VPS37C: variants seen among roughly 807,000 people sequenced by gnomAD.
VPS37C encodes the protein VPS37C subunit of ESCRT-I.
VPS37C carries 9 observed loss-of-function variants against 16.1 expected under a neutral mutation model. The observed-to-expected ratio is 0.56, with a 90% confidence interval of 0.34 to 0.97. The LOEUF (loss-of-function observed/expected upper bound fraction) is 0.97. Ranked by LOEUF, VPS37C falls within the 50% of genes least tolerant of loss-of-function variation. VPS37C has a pLI of 0.02. For missense variants in VPS37C, 479 were observed against 472.7 expected, an observed-to-expected ratio of 1.01 and a Z score of -0.12; for synonymous variants, 207 against 206.4, an observed-to-expected ratio of 1.00 and a Z score of -0.02.
At chr11:61,149,217 C>T (rs1255532557) in intron 1 of VPS37C, among the ~76,000 whole-genome samples, 2 of 152,146 alleles carry the variant, frequency 1.3e-5, no homozygotes, top group African/African-American at 4.8e-5. Flanking sequence ...ACCCAGGAGA[C>T]GGAGCTTGCA....
At chr11:61,133,005 C>A in intron 4 of VPS37C, 1 of 608,794 alleles carries the variant, frequency 1.6e-6, no homozygotes, top group Non-Finnish European at 3.0e-6. Context: ...TCCTGCTGTG[C>A]TGCCCTACCA....
At chr11:61,140,721 C>T (rs1861459676) in intron 1 of VPS37C, among the ~76,000 whole-genome samples, 1 of 152,214 alleles carries the variant, frequency 6.6e-6, no homozygotes, top group African/African-American at 2.4e-5. Context: ...AGTGGAGACC[C>T]CTGGTTTCTG....
chr11:61,137,485 G>A (rs1839384474), intron 2 of VPS37C, among the ~76,000 whole-genome samples: 1 of 152,196 alleles, frequency 6.6e-6, no homozygotes, highest in African/African-American at 2.4e-5. Context: ...CTGTCAGCCT[G>A]CTCAGCTCTG....
Position 61,132,238 on chromosome 11 carries a change from G to A in VPS37C, c.650C>T (p.Pro217Leu), listed in dbSNP as rs570366687. 40 of 1,518,856 alleles carry A rather than the reference G, an allele frequency of 2.6e-5. No homozygotes were observed. In the South Asian group the frequency reaches 5.3e-4, roughly 20 times the overall value. 94.1% of individuals were successfully genotyped at this position (1,518,856 alleles called of 1,614,324 possible). The change falls in exon 5 of 5, where the codon CCC becomes CTC. Residue 217 changes from proline (P) to leucine (L), a missense_variant. Coordinates refer to ENST00000301765, the MANE Select transcript of VPS37C (RefSeq NM_017966.5). ...CGGTGGCAGGGCTCCATGGGCAGTG[G>A]GGCCCACAGGCAGGCTGGGGGATGG... ...YSPSPSLPVG[P>L]TAHGALPPAP... is the part of the protein sequence containing the mutation.
chr11:61,135,084 AG>A lies in VPS37C; in HGVS notation c.94-878del, dbSNP rs796412964. 1.4e-4 allele frequency among the ~76,000 whole-genome samples: 22 copies of A among 152,346 alleles called. 2 individuals are homozygous for A. Among genetic ancestry groups the A allele is most frequent in the African/African-American group, 5.0e-4 (21 of 41,588 alleles). On this transcript the variant is annotated intron_variant, in intron 2 of 4. Coordinates refer to ENST00000301765, the MANE Select transcript of VPS37C (RefSeq NM_017966.5). ...GGCCTCGGCACCCGCCACAGGGCGC[AG>A]GGAACAGCTCAGCAAGACTGACTCT...
chr11:61,138,778 C>G lies in VPS37C; in HGVS notation c.52G>C (p.Asp18His). ...TLQELEELQN[D>H]SEAIDQLALE... ...GCCAGCTGGTCAATCGCCTCCGAGT[C>G]ATTCTGCAACTCCTCCAGCTCCTGC... The change falls in exon 2 of 5, where the codon GAC (aspartate) becomes CAC (histidine). Residue 18 changes from aspartate (D) to histidine (H), a missense_variant. Physicochemically the swap from Asp to His is moderately conservative, Grantham distance 81. Coordinates refer to ENST00000301765, the MANE Select transcript of VPS37C (RefSeq NM_017966.5). 1 of 1,614,152 alleles carries G rather than the reference C, an allele frequency of 6.2e-7. No homozygotes were observed.
At chr11:61,152,635 C>G in intron 1 of VPS37C, among the ~76,000 whole-genome samples, 1 of 152,208 alleles carries the variant, frequency 6.6e-6, no homozygotes, top group East Asian at 1.9e-4. Flanking sequence ...CTTGTATCAG[C>G]TGACCCCGAG....
intron 1 of VPS37C, among the ~76,000 whole-genome samples, chr11:61,155,204 C>A (rs1161186158): frequency 6.6e-6 from 1 of 151,782 alleles, no homozygotes; most frequent in Non-Finnish European, 1.5e-5. Flanking sequence ...AATAAACAGA[C>A]CAGGTGTGGT....
At chr11:61,148,282 G>A (rs1331710184) in intron 1 of VPS37C, among the ~76,000 whole-genome samples, 1 of 152,104 alleles carries the variant, frequency 6.6e-6, no homozygotes, top group Non-Finnish European at 1.5e-5. Flanking sequence ...AAATCACACT[G>A]CAAGAAGAGC....
Position 61,132,102 on chromosome 11 carries a change from T to C in VPS37C, c.786A>G (p.Pro262=). ...CCGGCCGGGGTGGCATGCTCCTCTG[T>C]GGGGACCAGGAGTAACCCGCAGCAC... The part of the protein sequence containing the change: ...PRGAAGYSWS[P]QRSMPPRPGY... Residue 262 remains proline (P), a synonymous_variant, in exon 5 of 5, where the codon CCA becomes CCG. Transcript: ENST00000301765. 1 of 1,420,560 alleles carries C rather than the reference T, an allele frequency of 7.0e-7. No homozygotes were observed. The highest frequency in any genetic ancestry group is 9.2e-7 in the Non-Finnish European group (1 of 1,082,980). The allele number at this position is 1,420,560 out of a possible 1,614,324, so 88.0% of individuals were successfully genotyped here. A position where few individuals can be genotyped will look rare whatever the true frequency, so the allele number is the denominator to read the frequency against.
intron 4 of VPS37C, 29 bp from the exon 5 acceptor site, chr11:61,132,568 G>A: frequency 6.5e-7 from 1 of 1,541,564 alleles, no homozygotes; most frequent in South Asian, 1.3e-5. Context: ...AGTGACAACA[G>A]GGGCAGCTGG....
intron 1 of VPS37C, among the ~76,000 whole-genome samples, chr11:61,151,077 G>A (rs1333543934): frequency 6.6e-6 from 1 of 152,154 alleles, no homozygotes; most frequent in Non-Finnish European, 1.5e-5. Flanking sequence ...GGGAGGAAAC[G>A]CAGAGCCTGA....
intron 1 of VPS37C, among the ~76,000 whole-genome samples, chr11:61,158,580 T>C (rs1853415375): frequency 6.6e-6 from 1 of 152,236 alleles, no homozygotes; most frequent in African/African-American, 2.4e-5. Flanking sequence ...ATGCTGACTT[T>C]ATCCGTGACT....
chr11:61,149,166 G>C lies in VPS37C; in HGVS notation c.-6-10331C>G, dbSNP rs190005103. On this transcript the variant is annotated intron_variant, in intron 1 of 4. Transcript: ENST00000301765. Reference sequence around the variant, plus strand: ...CTGGGCGTGGTGGCACACGCCTGTAGTCCCAGCTACTCAGGAGGCTGAGGC... The same window carrying C: ...CTGGGCGTGGTGGCACACGCCTGTACTCCCAGCTACTCAGGAGGCTGAGGC... 6.5e-3 allele frequency among the ~76,000 whole-genome samples: 991 copies of C among 152,288 alleles called. 4 individuals carry two copies. Among genetic ancestry groups the C allele is most frequent in the Middle Eastern group, 0.02 (6 of 294 alleles).
intron 1 of VPS37C, among the ~76,000 whole-genome samples, chr11:61,151,606 G>T (rs1212973204): frequency 6.6e-6 from 1 of 152,188 alleles, no homozygotes; most frequent in Non-Finnish European, 1.5e-5. Context: ...CTCAGGCAGG[G>T]ATCAATAAAC....
chr11:61,146,551 G>A (rs1244051561), intron 1 of VPS37C, among the ~76,000 whole-genome samples: 1 of 152,222 alleles, frequency 6.6e-6, no homozygotes, highest in African/African-American at 2.4e-5. Context: ...GCCCAGGCGG[G>A]AGCCACTGCA....
intron 1 of VPS37C, among the ~76,000 whole-genome samples, chr11:61,154,370 G>T (rs1269909197): frequency 6.6e-6 from 1 of 152,038 alleles, no homozygotes; most frequent in Non-Finnish European, 1.5e-5. Flanking sequence ...TTAGAGACAG[G>T]GAAGATATTT....
At chr11:61,132,934 C>A in intron 4 of VPS37C, 1 of 526,692 alleles carries the variant, frequency 1.9e-6, no homozygotes. Flanking sequence ...GAAGAGGTGG[C>A]CGGAGGGAAG....
At chr11:61,133,425 A>C in intron 3 of VPS37C, 88 bp from the exon 4 acceptor site, 1 of 1,332,174 alleles carries the variant, frequency 7.5e-7, no homozygotes, top group South Asian at 1.3e-5. Context: ...GTGTGCATCC[A>C]GGCCCAGCCA....
Sources: allele counts gnomAD v4.1 joint callset (sites outside exome capture counted in the v4.1 genomes callset), GRCh38; gene constraint gnomAD v4.1.1; transcripts MANE v1.5; gene names NCBI Gene and HGNC (gene_info 2026-07-23, HGNC 2026-07-21).